The following STARD13 variants were observed in gnomAD, a reference collection of about 807,000 sequenced individuals.
STARD13 encodes the protein stAR-related lipid transfer protein 13.
In STARD13, 62 loss-of-function variants were observed where a neutral mutation model predicts 106.4. The ratio of observed to expected loss-of-function variants is 0.58; its 90% CI spans 0.48 to 0.72. The LOEUF (loss-of-function observed/expected upper bound fraction) is 0.72. Ranked by LOEUF, STARD13 falls within the 30% of genes least tolerant of loss-of-function variation. STARD13 has a pLI of 0.00. For synonymous variants in STARD13, 565 were observed against 553.0 expected (o/e 1.02, Z -0.31); for missense variants, 1,387 against 1,424.0 (o/e 0.97, Z 0.42).
the STARD13 span, among the ~76,000 whole-genome samples, chr13:33,457,493 A>G: frequency 6.6e-6 from 1 of 152,252 alleles, no homozygotes; most frequent in Admixed American, 6.5e-5. Context: ...TATAAGCCTG[A>G]AAACAACAGA....
At chr13:33,369,822 G>A in the STARD13 span, among the ~76,000 whole-genome samples, 6 of 152,034 alleles carry the variant, frequency 3.9e-5, no homozygotes, top group Non-Finnish European at 5.9e-5. Context: ...GCTCACAGTT[G>A]CCCCTCAGTA....
chr13:33,171,413 A>G (rs370267788), intron 1 of STARD13, among the ~76,000 whole-genome samples: 3 of 152,224 alleles, frequency 2.0e-5, no homozygotes, highest in South Asian at 4.1e-4. Flanking sequence ...AAAGATTTCT[A>G]TGTAATTTTT....
At chr13:33,400,799 A>C in the STARD13 span, among the ~76,000 whole-genome samples, 3 of 152,292 alleles carry the variant, frequency 2.0e-5, 1 homozygote, top group South Asian at 6.2e-4. Context: ...GATGTGGGAG[A>C]TATAGTTGTT....
the STARD13 span, among the ~76,000 whole-genome samples, chr13:33,417,257 A>G: frequency 2.0e-5 from 3 of 152,228 alleles, no homozygotes; most frequent in Admixed American, 2.0e-4. Context: ...AAATTGGAAC[A>G]TACATACATT....
chr13:33,132,596 A>G (rs1354399492), intron 4 of STARD13, among the ~76,000 whole-genome samples: 4 of 152,192 alleles, frequency 2.6e-5, no homozygotes, highest in East Asian at 1.9e-4. Context: ...CACGCCTGTA[A>G]TCTCAGCTAC....
At chr13:33,535,696 T>G in the STARD13 span, among the ~76,000 whole-genome samples, 1 of 152,240 alleles carries the variant, frequency 6.6e-6, no homozygotes, top group South Asian at 2.1e-4. Context: ...AAACTTACAT[T>G]CTTTCTCTTA....
chr13:33,189,147 A>G (rs1886021054), intron 1 of STARD13, among the ~76,000 whole-genome samples: 1 of 152,156 alleles, frequency 6.6e-6, no homozygotes, highest in Non-Finnish European at 1.5e-5. Context: ...TGCTTCATAT[A>G]AAACCATAAG....
chr13:33,413,028 CTG>C, the STARD13 span, among the ~76,000 whole-genome samples: 1 of 152,186 alleles, frequency 6.6e-6, no homozygotes, highest in Admixed American at 6.5e-5. Flanking sequence ...GTAAAACAAA[CTG>C]TGGCAAATTT....
the STARD13 span, among the ~76,000 whole-genome samples, chr13:33,615,770 G>A: frequency 1.2e-3 from 186 of 152,220 alleles, no homozygotes; most frequent in African/African-American, 2.4e-3. Context: ...CAATAGCATC[G>A]CTCTGCACCC....
chr13:33,478,469 G>A, the STARD13 span, among the ~76,000 whole-genome samples: 2 of 151,950 alleles, frequency 1.3e-5, no homozygotes, highest in African/African-American at 2.4e-5. Context: ...AAAAATCTTT[G>A]AACATGCACT....
chr13:33,551,262 G>A, the STARD13 span, among the ~76,000 whole-genome samples: 1 of 152,190 alleles, frequency 6.6e-6, no homozygotes, highest in African/African-American at 2.4e-5. Context: ...ACAGCTGAAG[G>A]GGGCTGGGAG....
chr13:33,154,835 G>C (rs1387802532), intron 3 of STARD13, among the ~76,000 whole-genome samples: 1 of 152,196 alleles, frequency 6.6e-6, no homozygotes, highest in Non-Finnish European at 1.5e-5. Flanking sequence ...ATTTCTGAGA[G>C]AGGGTCAAGA....
chr13:33,167,421 C>T lies in STARD13; in HGVS notation c.241+130G>A. 4 of 839,948 alleles carry T rather than the reference C, an allele frequency of 4.8e-6. No individual in the cohort carries two copies. The South Asian group carries it at 6.8e-5, about 14-fold the overall frequency. 52.0% of individuals were successfully genotyped at this position (839,948 alleles called of 1,614,324 possible). A position where few individuals can be genotyped will look rare whatever the true frequency, so the allele number is the denominator to read the frequency against. ...ATAACCCCTGGGCATAGCAAAAAGG[C>T]CGAGGGAAAAAGAAAGCGAAGCAAA... is the stretch of plus-strand genomic sequence containing the variant. On this transcript the variant is annotated intron_variant, in intron 2 of 13. Transcript: ENST00000336934.
rs537533537 is a variant in STARD13, at chr13:33,201,891, GC to G, written c.170-34270del. Among the ~76,000 whole-genome samples, 14 of 152,114 alleles carry G rather than the reference GC, an allele frequency of 9.2e-5. No individual in the cohort carries two copies. The South Asian group carries it at 2.9e-3, about 32-fold the overall frequency. On this transcript the variant is annotated intron_variant, in intron 1 of 13. Coordinates refer to ENST00000336934, the MANE Select transcript of STARD13 (RefSeq NM_178006.4). ...ACATAATTAGTACATAATCTGTCAGGCAACCTTTGGATTCTTAAGAATTTTT... is the reference window on the plus strand; with the variant it reads ...ACATAATTAGTACATAATCTGTCAGGAACCTTTGGATTCTTAAGAATTTTT...
At position 33,128,949 on chromosome 13, in the gene STARD13, G is replaced by A. The variant is rs759282133; in HGVS notation, c.1728C>T (p.Ala576=). The change falls in exon 5 of 14, where the codon GCC becomes GCT. Residue 576 remains alanine, a synonymous_variant. Coordinates refer to ENST00000336934, the MANE Select transcript of STARD13 (RefSeq NM_178006.4). ...VRDRRDSGVG[A]SLTRPNRRLR... ...CCTACCTGTTTGGCCTGGTCAGAGA[G>A]GCCCCTACACCAGAATCCCTCCTGT... 7 of 1,612,748 alleles carry A rather than the reference G, an allele frequency of 4.3e-6. No individual in the cohort carries two copies. The highest frequency in any genetic ancestry group is 1.6e-4 in the Middle Eastern group (1 of 6,076).
At chr13:33,595,676 T>C in the STARD13 span, among the ~76,000 whole-genome samples, 9 of 152,152 alleles carry the variant, frequency 5.9e-5, no homozygotes, top group Non-Finnish European at 5.9e-5. Context: ...ATGGATTCAC[T>C]CAGGGGAACC....
the STARD13 span, among the ~76,000 whole-genome samples, chr13:33,533,619 G>C: frequency 2.0e-5 from 3 of 152,038 alleles, no homozygotes; most frequent in African/African-American, 7.2e-5. Flanking sequence ...ATTACATCTG[G>C]TAAGTAAGTG....
chr13:33,620,736 AAC>A, the STARD13 span, among the ~76,000 whole-genome samples: 1 of 150,886 alleles, frequency 6.6e-6, no homozygotes, highest in South Asian at 2.1e-4. Context: ...AATAAAAAGA[AAC>A]AATATAGAAA....
At chr13:33,395,040 G>T in the STARD13 span, among the ~76,000 whole-genome samples, 1 of 152,200 alleles carries the variant, frequency 6.6e-6, no homozygotes, top group African/African-American at 2.4e-5. Flanking sequence ...GCCATCAGAA[G>T]TCTTCAAGCT....
Sources: gnomAD v4.1 joint callset for allele counts (sites outside exome capture counted in the v4.1 genomes callset) on GRCh38, gnomAD v4.1.1 for gene constraint, MANE v1.5 for transcripts, NCBI Gene and HGNC (gene_info 2026-07-23, HGNC 2026-07-21) for gene names.